Variants in RGS21 observed in about 807,000 individuals in gnomAD.
RGS21 encodes regulator of G protein signaling 21, also known as regulator of G-protein signalling 21.
RGS21 carries 19 observed loss-of-function variants against 18.7 expected under a neutral mutation model. That is an observed-to-expected ratio of 1.01 (90% CI 0.71 to 1.49). RGS21 has a LOEUF of 1.49. RGS21 is among the 40% of genes most tolerant of loss of function. The pLI is 0.00. For synonymous variants in RGS21, 56 were observed against 57.8 expected, an observed-to-expected ratio of 0.97 and a Z score of 0.14; for missense variants, 194 against 176.8, an observed-to-expected ratio of 1.10 and a Z score of -0.55.
chr1:192,340,919 C>T (rs774407028), intron 1 of RGS21, among the ~76,000 whole-genome samples: 1 of 152,070 alleles, frequency 6.6e-6, no homozygotes, highest in East Asian at 1.9e-4. Context: ...GTACCTCCCA[C>T]AATACGTGAG....
At position 192,366,027 on chromosome 1, in the gene RGS21, A is replaced by G. The variant is rs556326228; in HGVS notation, c.362A>G (p.Lys121Arg). The G allele has an allele frequency of 1.4e-4, 220 of 1,610,646 alleles. No individual in the cohort carries two copies. The South Asian group carries it at 2.3e-3, about 17-fold the overall frequency. ...AQKLIYCLMA[K>R]DSFPRFLKSE... ...AAATTAATCTATTGTCTCATGGCCAAGGATTCTTTCCCTCGATTTCTGAAG... is the reference window on the plus strand; with the variant it reads ...AAATTAATCTATTGTCTCATGGCCAGGGATTCTTTCCCTCGATTTCTGAAG... Residue 121 changes from lysine to arginine, a missense_variant, in exon 5 of 5, where the codon AAG becomes AGG. By Grantham distance (26) the Lys-to-Arg change is conservative. Transcript: ENST00000417209.
intron 2 of RGS21, among the ~76,000 whole-genome samples, chr1:192,346,466 G>A (rs1317960839): frequency 1.3e-5 from 2 of 152,152 alleles, no homozygotes; most frequent in East Asian, 3.9e-4. Context: ...TAAGTCATTT[G>A]CACATCACAG....
intron 4 of RGS21, among the ~76,000 whole-genome samples, chr1:192,364,115 C>T (rs1347734577): frequency 6.6e-6 from 1 of 152,080 alleles, no homozygotes; most frequent in Admixed American, 6.6e-5. Flanking sequence ...CCAAGGTCAC[C>T]AAAGCTGTAA....
chr1:192,361,577 G>A (rs958987898), intron 4 of RGS21, among the ~76,000 whole-genome samples: 10 of 152,010 alleles, frequency 6.6e-5, no homozygotes, highest in Non-Finnish European at 1.2e-4. Context: ...ACGGAGTCTC[G>A]CTCTGTCGCC....
rs545600158 is a variant in RGS21, at chr1:192,328,062, G to C, written c.-61+10957G>C. Among the ~76,000 whole-genome samples the C allele has an allele frequency of 4.1e-4, 62 of 152,218 alleles. 2 individuals carry two copies. In the South Asian group the frequency reaches 6.2e-3, roughly 15 times the overall value. On this transcript the variant is annotated intron_variant, in intron 1 of 4. Coordinates refer to ENST00000417209, the MANE Select transcript of RGS21 (RefSeq NM_001039152.3). The stretch of plus-strand genomic sequence containing the variant: ...GTAAAATCCATGTAATTGGCAATGT[G>C]AACAATATCCCATAGGCAAAATGAA...
intron 4 of RGS21, among the ~76,000 whole-genome samples, chr1:192,359,576 A>C (rs759859955): frequency 4.6e-5 from 7 of 151,398 alleles, no homozygotes; most frequent in Non-Finnish European, 1.0e-4. Flanking sequence ...GTTCACAGAC[A>C]TGTCCCAAGG....
intron 3 of RGS21, among the ~76,000 whole-genome samples, 164 bp downstream of exon 3, chr1:192,347,553 G>A (rs1303156164): frequency 1.4e-5 from 2 of 144,978 alleles, no homozygotes; most frequent in East Asian, 1.9e-4. Flanking sequence ...GAATCAGGTT[G>A]GGGCTAAAAT....
chr1:192,337,693 A>G (rs955818202), intron 1 of RGS21, among the ~76,000 whole-genome samples: 1 of 152,146 alleles, frequency 6.6e-6, no homozygotes, highest in Admixed American at 6.6e-5. Flanking sequence ...AGCTACAGTA[A>G]AAGAAAATTG....
Position 192,366,206 on chromosome 1 carries a change from T to G in RGS21, c.*82T>G. On this transcript the variant is annotated 3_prime_UTR_variant, in exon 5 of 5. Coordinates refer to ENST00000417209, the MANE Select transcript of RGS21 (RefSeq NM_001039152.3). ...AAGCATGATGCATTGTCTTTTGTTT[T>G]GTTTTTAGGATTTAGAAAACATTTT... 1 of 859,618 alleles carries G rather than the reference T, an allele frequency of 1.2e-6. No homozygotes were observed. The highest frequency in any genetic ancestry group is 1.8e-6 in the Non-Finnish European group (1 of 543,622). 53.2% of individuals were successfully genotyped at this position (859,618 alleles called of 1,614,324 possible). A position where few individuals can be genotyped will look rare whatever the true frequency, so the allele number is the denominator to read the frequency against.
At chr1:192,363,187 T>C (rs1659210484) in intron 4 of RGS21, among the ~76,000 whole-genome samples, 1 of 152,132 alleles carries the variant, frequency 6.6e-6, no homozygotes, top group Non-Finnish European at 1.5e-5. Flanking sequence ...GGTATTACAT[T>C]GTAAAGGCCA....
chr1:192,361,131 G>C (rs1006138564), intron 4 of RGS21, among the ~76,000 whole-genome samples: 10 of 151,958 alleles, frequency 6.6e-5, no homozygotes, highest in South Asian at 6.2e-4. Context: ...GCATAAAGTA[G>C]ACATATGAAG....
intron 4 of RGS21, among the ~76,000 whole-genome samples, chr1:192,364,718 T>C (rs746007302): frequency 9.2e-5 from 14 of 152,146 alleles, no homozygotes; most frequent in Non-Finnish European, 1.9e-4. Flanking sequence ...TAAATTCCAT[T>C]TAACAAATAT....
intron 1 of RGS21, among the ~76,000 whole-genome samples, chr1:192,340,793 A>G (rs899937494): frequency 1.6e-4 from 25 of 152,108 alleles, no homozygotes; most frequent in African/African-American, 5.8e-4. Flanking sequence ...GACAAGAGAA[A>G]GAGGCAACCA....
intron 1 of RGS21, 21 bp from the exon 2 acceptor site, chr1:192,342,956 C>T (rs1658893285): frequency 2.1e-6 from 3 of 1,397,434 alleles, no homozygotes; most frequent in Non-Finnish European, 3.0e-6. Flanking sequence ...TGTAATGTTC[C>T]TGCTGTCACA....
chr1:192,364,961 C>T (rs374763284), intron 4 of RGS21, among the ~76,000 whole-genome samples: 31 of 151,884 alleles, frequency 2.0e-4, no homozygotes, highest in African/African-American at 6.3e-4. Context: ...GGTGAAACCC[C>T]GTCTCTACTA....
chr1:192,353,473 A>G (rs886898562), intron 4 of RGS21, among the ~76,000 whole-genome samples: 11 of 151,812 alleles, frequency 7.2e-5, no homozygotes, highest in Non-Finnish European at 1.2e-4. Flanking sequence ...TTGATGTGTC[A>G]TTTTGCTTTG....
chr1:192,323,890 C>G (rs1010486341), intron 1 of RGS21, among the ~76,000 whole-genome samples: 1 of 151,930 alleles, frequency 6.6e-6, no homozygotes, highest in Non-Finnish European at 1.5e-5. Context: ...TCAGGCTATT[C>G]CTTAGACAGA....
intron 1 of RGS21, among the ~76,000 whole-genome samples, chr1:192,342,405 G>A (rs1658883685): frequency 6.6e-6 from 1 of 151,860 alleles, no homozygotes; most frequent in Non-Finnish European, 1.5e-5. Context: ...GAGATCCATG[G>A]TTAAAAGAGA....
chr1:192,345,595 A>G (rs990856433), intron 2 of RGS21, among the ~76,000 whole-genome samples: 1 of 152,000 alleles, frequency 6.6e-6, no homozygotes, highest in Non-Finnish European at 1.5e-5. Flanking sequence ...GGGAATATAA[A>G]TGTTCATCTT....
Sources: gnomAD v4.1 joint callset for allele counts (sites outside exome capture counted in the v4.1 genomes callset) on GRCh38, gnomAD v4.1.1 for gene constraint, MANE v1.5 for transcripts, NCBI Gene and HGNC (gene_info 2026-07-23, HGNC 2026-07-21) for gene names.